TYW1B: variants seen among roughly 807,000 people sequenced by gnomAD.
The protein encoded by TYW1B is tRNA-yW synthesizing protein 1 homolog B.
Under a neutral mutation model 86.9 loss-of-function variants are expected in TYW1B, and 73 were observed. That is an observed-to-expected ratio of 0.84 (90% confidence interval 0.70 to 1.02). The LOEUF (loss-of-function observed/expected upper bound fraction) is 1.02, where lower values mean the gene tolerates loss of function less well. TYW1B is among the 50% of genes least tolerant of loss of function. TYW1B has a pLI of 0.00. For missense variants in TYW1B, 637 were observed against 827.4 expected (o/e 0.77, Z 2.82); for synonymous variants, 248 against 292.8 (o/e 0.85, Z 1.56).
At chr7:72,804,503 T>C (rs1788460766) in intron 5 of TYW1B, among the ~76,000 whole-genome samples, 1 of 151,964 alleles carries the variant, frequency 6.6e-6, no homozygotes, top group Non-Finnish European at 1.5e-5. Context: ...AATACATAAA[T>C]GAATGAGCAT....
intron 13 of TYW1B, among the ~76,000 whole-genome samples, chr7:72,601,181 TA>T (rs1554433650): frequency 6.6e-6 from 1 of 151,004 alleles, no homozygotes; most frequent in Non-Finnish European, 1.5e-5. Context: ...CCAACCTAAT[TA>T]AAAAATGGGC....
chr7:72,655,569 C>T (rs1457056035), intron 11 of TYW1B, among the ~76,000 whole-genome samples: 1 of 152,090 alleles, frequency 6.6e-6, no homozygotes, highest in African/African-American at 2.4e-5. Flanking sequence ...GTGGCCAGGT[C>T]CCCAGCACTC....
At position 72,616,840 on chromosome 7, in the gene TYW1B, C is replaced by T. The variant is rs782154508; in HGVS notation, c.1618-1G>A. 3 of 1,614,030 alleles carry T rather than the reference C, an allele frequency of 1.9e-6. No individual in the cohort carries two copies. The South Asian group carries it at 3.3e-5, about 18-fold the overall frequency. The stretch of plus-strand genomic sequence containing the variant: ...AACTTTCTCTGCAGTAGGTAACGCC[C>T]TGTGGAAACAGTATAACCATCAGAG... On this transcript the variant is annotated splice_acceptor_variant, in intron 12 of 13. Coordinates refer to ENST00000620995, the MANE Select transcript of TYW1B (RefSeq NM_001145440.3). LOFTEE classifies it high-confidence loss of function.
chr7:72,676,022 C>A (rs1404272747), intron 11 of TYW1B, among the ~76,000 whole-genome samples: 1 of 152,104 alleles, frequency 6.6e-6, no homozygotes, highest in Non-Finnish European at 1.5e-5. Flanking sequence ...CTTTAGGTAG[C>A]AGGACTAACT....
At chr7:72,653,484 G>A (rs1366434286) in intron 11 of TYW1B, among the ~76,000 whole-genome samples, 4 of 152,102 alleles carry the variant, frequency 2.6e-5, no homozygotes, top group African/African-American at 9.7e-5. Context: ...GCGAGCACCT[G>A]TAGTCCCAGC....
chr7:72,584,789 G>C (rs535457836), intron 13 of TYW1B, among the ~76,000 whole-genome samples: 1 of 152,126 alleles, frequency 6.6e-6, no homozygotes, highest in East Asian at 1.9e-4. Flanking sequence ...TTCAACTTCT[G>C]TTGGCATTCA....
At chr7:72,606,600 C>T (rs1811805043) in intron 13 of TYW1B, among the ~76,000 whole-genome samples, 2 of 68,800 alleles carry the variant, frequency 2.9e-5, no homozygotes, top group South Asian at 1.3e-3. Context: ...CACCCAGCAG[C>T]AATAAGGCCC....
At chr7:72,703,539 C>T (rs546280770) in intron 10 of TYW1B, among the ~76,000 whole-genome samples, 2 of 152,012 alleles carry the variant, frequency 1.3e-5, no homozygotes, top group African/African-American at 4.8e-5. Flanking sequence ...TTTCTGTGAA[C>T]AAGTTCTGTG....
chr7:72,735,106 A>T (rs1343803164), intron 8 of TYW1B, among the ~76,000 whole-genome samples: 1 of 152,204 alleles, frequency 6.6e-6, no homozygotes, highest in East Asian at 1.9e-4. Flanking sequence ...TACTGAATAT[A>T]CATCCAAAGG....
At chr7:72,792,934 C>CA (rs1460386171) in intron 6 of TYW1B, among the ~76,000 whole-genome samples, 5 of 152,144 alleles carry the variant, frequency 3.3e-5, no homozygotes, top group Admixed American at 2.6e-4. Flanking sequence ...AAAATACCTG[C>CA]AAGAATATTG....
chr7:72,662,706 A>G (rs576554497), intron 11 of TYW1B, among the ~76,000 whole-genome samples: 3 of 152,316 alleles, frequency 2.0e-5, no homozygotes, highest in Admixed American at 2.0e-4. Context: ...ATCTCAGACT[A>G]TGAAGGAACT....
intron 10 of TYW1B, among the ~76,000 whole-genome samples, chr7:72,711,733 C>T (rs560340934): frequency 2.6e-5 from 4 of 151,922 alleles, no homozygotes; most frequent in South Asian, 2.1e-4. Flanking sequence ...GTGATCCGCC[C>T]GTCTCAGCCT....
At chr7:72,766,208 C>T (rs782482767) in intron 7 of TYW1B, among the ~76,000 whole-genome samples, 3 of 152,248 alleles carry the variant, frequency 2.0e-5, no homozygotes, top group Non-Finnish European at 4.4e-5. Context: ...ACCTAATTCC[C>T]TGTGGTGATT....
chr7:72,716,719 A>G (rs533517708), intron 9 of TYW1B, among the ~76,000 whole-genome samples: 1 of 151,010 alleles, frequency 6.6e-6, no homozygotes, highest in South Asian at 2.1e-4. Flanking sequence ...GCTCACTGCA[A>G]CCTCCGCCTC....
intron 11 of TYW1B, among the ~76,000 whole-genome samples, chr7:72,650,790 G>C (rs1393252536): frequency 6.6e-6 from 1 of 152,148 alleles, no homozygotes; most frequent in Non-Finnish European, 1.5e-5. Flanking sequence ...ATTTCAGAAA[G>C]AGAGCCAACC....
rs1387684331 is a variant in TYW1B at position 72,632,298 on chromosome 7, T to TATATATTATATATATATAC, written c.1507-3302_1507-3301insGTATATATATATAATATAT. ...ATATATATACGTGTATATATATATA[T>TATATATTATATATATATAC]ACGTGTATATATATTATATATATTA... On this transcript the variant is annotated intron_variant, in intron 11 of 13. Transcript: ENST00000620995. Among the ~76,000 whole-genome samples, 52 of 67,366 alleles carry TATATATTATATATATATAC rather than the reference T, an allele frequency of 7.7e-4. 1 individual carries two copies. Among genetic ancestry groups the TATATATTATATATATATAC allele is most frequent in the Non-Finnish European group, 9.4e-4 (39 of 41,294 alleles). 44.2% of individuals were successfully genotyped at this position (67,366 alleles called of 152,430 possible).
chr7:72,762,688 C>T (rs1225578872), intron 7 of TYW1B, among the ~76,000 whole-genome samples: 1 of 152,032 alleles, frequency 6.6e-6, no homozygotes, highest in African/African-American at 2.4e-5. Context: ...TAGACAGTGT[C>T]CCACTCTGTC....
intron 11 of TYW1B, among the ~76,000 whole-genome samples, chr7:72,690,339 G>A (rs1165609337): frequency 6.6e-6 from 1 of 152,182 alleles, no homozygotes; most frequent in African/African-American, 2.4e-5. Flanking sequence ...AGCTATCGTG[G>A]ACGGAAATTG....
At chr7:72,635,389 A>AG (rs1812642373) in intron 11 of TYW1B, among the ~76,000 whole-genome samples, 1 of 152,168 alleles carries the variant, frequency 6.6e-6, no homozygotes, top group African/African-American at 2.4e-5. Flanking sequence ...TCTGCACCGC[A>AG]GGGGACAATT....
Sources: allele counts gnomAD v4.1 joint callset (sites outside exome capture counted in the v4.1 genomes callset), GRCh38; gene constraint gnomAD v4.1.1; transcripts MANE v1.5; gene names NCBI Gene and HGNC (gene_info 2026-07-23, HGNC 2026-07-21).